The following MAN2B2 variants were observed in gnomAD, a reference collection of about 807,000 sequenced individuals.
MAN2B2 encodes the protein epididymis-specific alpha-mannosidase.
In MAN2B2, 106 loss-of-function variants were observed where a neutral mutation model predicts 117.1. That is an observed-to-expected ratio of 0.90 (90% CI 0.77 to 1.06). The LOEUF (loss-of-function observed/expected upper bound fraction) is 1.06. MAN2B2 is among the 50% of genes least tolerant of loss of function. MAN2B2 has a pLI of 0.00. For synonymous variants in MAN2B2, 544 were observed against 595.1 expected, an observed-to-expected ratio of 0.91 and a Z score of 1.25; for missense variants, 1,326 against 1,381.4, an observed-to-expected ratio of 0.96 and a Z score of 0.64.
At chr4:6,607,853 C>A (rs1352333778) in intron 11 of MAN2B2, among the ~76,000 whole-genome samples, 2 of 152,212 alleles carry the variant, frequency 1.3e-5, no homozygotes, top group Non-Finnish European at 2.9e-5. Flanking sequence ...CTCCCAGCAG[C>A]AGATGAGGGT....
intron 18 of MAN2B2, 129 bp downstream of exon 18, chr4:6,620,173 T>C (rs1712101461): frequency 1.4e-6 from 1 of 728,644 alleles, no homozygotes; most frequent in Non-Finnish European, 2.2e-6. Flanking sequence ...GCTTTCCTAC[T>C]CTGAACCCGC....
At chr4:6,583,210 G>C (rs1349194301) in intron 3 of MAN2B2, among the ~76,000 whole-genome samples, 1 of 152,174 alleles carries the variant, frequency 6.6e-6, no homozygotes, top group Non-Finnish European at 1.5e-5. Flanking sequence ...CCTAGAACCT[G>C]CCCACATCAC....
chr4:6,606,669 C>A (rs1727558198), intron 11 of MAN2B2, among the ~76,000 whole-genome samples: 1 of 152,198 alleles, frequency 6.6e-6, no homozygotes, highest in African/African-American at 2.4e-5. Context: ...ATTGGGCTCC[C>A]AAAACCCCAC....
intron 17 of MAN2B2, chr4:6,617,847 G>GTT (rs56063851): frequency 0.69 from 111,945 of 162,370 alleles, 40,751 homozygotes; most frequent in East Asian, 0.87. Context: ...CGATGGCTAA[G>GTT]TTTTTTTTTT....
intron 3 of MAN2B2, among the ~76,000 whole-genome samples, chr4:6,579,382 C>CCA (rs1726324284): frequency 2.9e-5 from 1 of 34,206 alleles, no homozygotes; most frequent in East Asian, 1.7e-3. Flanking sequence ...ACCACCACCA[C>CCA]TACCCTTCAC....
chr4:6,609,953 C>G lies in MAN2B2; in HGVS notation c.2162C>G (p.Thr721Ser). The change falls in exon 13 of 19, where the codon ACC becomes AGC. Residue 721 changes from threonine (T) to serine (S), a missense_variant. Coordinates refer to ENST00000285599, the MANE Select transcript of MAN2B2 (RefSeq NM_015274.3). The stretch of plus-strand genomic sequence containing the variant: ...CGTGAGGCTGTCCTGAGGACCAGCA[C>G]CAACCTAAACAGCCAGCAGGTCATC... ...LNREAVLRTS[T>S]NLNSQQVIYS... is the part of the protein sequence containing the mutation. 1.2e-6 allele frequency: 2 copies of G among 1,614,156 alleles called. No individual in the cohort carries two copies. Among genetic ancestry groups the G allele is most frequent in the Non-Finnish European group, 1.7e-6 (2 of 1,180,034 alleles).
intron 10 of MAN2B2, among the ~76,000 whole-genome samples, chr4:6,603,319 C>T (rs1332646782): frequency 6.6e-6 from 1 of 151,928 alleles, no homozygotes; most frequent in Non-Finnish European, 1.5e-5. Context: ...GCAAAGCTCC[C>T]GAACGCCCAT....
rs1712167946 is a variant in MAN2B2, at chr4:6,621,431, T to C, written c.*146T>C. ...GGCTAATGGCAGGAAATGGTCATAT[T>C]TGGGGTTTTTCCCTAATTTTTTTAA... On this transcript the variant is annotated 3_prime_UTR_variant, in exon 19 of 19. Transcript: ENST00000285599. The C allele has an allele frequency of 6.3e-6, 4 of 633,794 alleles. No homozygotes were observed. Among genetic ancestry groups the C allele is most frequent in the Non-Finnish European group, 1.1e-5 (4 of 379,788 alleles). 39.3% of individuals were successfully genotyped at this position (633,794 alleles called of 1,614,324 possible). A position where few individuals can be genotyped will look rare whatever the true frequency, so the allele number is the denominator to read the frequency against.
At chr4:6,589,222 GCTGTT>G in intron 5 of MAN2B2, 62 bp downstream of exon 5, 4 of 1,293,850 alleles carry the variant, frequency 3.1e-6, no homozygotes, top group Non-Finnish European at 4.5e-6. Flanking sequence ...AGCCCCTGCA[GCTGTT>G]CTGCAGTTTT....
chr4:6,595,801 C>T (rs1727054207), intron 7 of MAN2B2, among the ~76,000 whole-genome samples: 1 of 152,210 alleles, frequency 6.6e-6, no homozygotes, highest in African/African-American at 2.4e-5. Context: ...CTCATTCTGG[C>T]CTGGGCACTG....
Position 6,610,043 on chromosome 4 carries a change from T to A in MAN2B2, c.2252T>A (p.Ile751Asn). The A allele has an allele frequency of 3.1e-6, 5 of 1,614,020 alleles. No homozygotes were observed. Among genetic ancestry groups the A allele is most frequent in the Non-Finnish European group, 4.2e-6 (5 of 1,179,978 alleles). The change falls in exon 13 of 19, where the codon ATC (isoleucine) becomes AAC (asparagine). Residue 751 changes from isoleucine to asparagine, a missense_variant. Coordinates refer to ENST00000285599, the MANE Select transcript of MAN2B2 (RefSeq NM_015274.3). ...TACGTTTCCTATGTGAACAACAGCATCGCCCGGGTATGTCCTGCAATGCCC... is the reference window on the plus strand; with the variant it reads ...TACGTTTCCTATGTGAACAACAGCAACGCCCGGGTATGTCCTGCAATGCCC... ...RPYVSYVNNS[I>N]ARNYYPMVQS...
chr4:6,593,610 C>T (rs116478297), intron 6 of MAN2B2, among the ~76,000 whole-genome samples: 9 of 152,344 alleles, frequency 5.9e-5, no homozygotes, highest in Non-Finnish European at 1.0e-4. Flanking sequence ...CGGGCTGGCT[C>T]CCGGCTCGGG....
chr4:6,578,365 T>G (rs577753131), intron 2 of MAN2B2, 28 bp from the exon 3 acceptor site: 1 of 1,587,020 alleles, frequency 6.3e-7, no homozygotes. Flanking sequence ...CGTAACTGGC[T>G]TTTTTCTCTC....
At chr4:6,589,005 A>G in intron 4 of MAN2B2, 40 bp from the exon 5 acceptor site, 7 of 1,502,416 alleles carry the variant, frequency 4.7e-6, no homozygotes, top group Non-Finnish European at 6.5e-6. Context: ...TGGGGCAGCC[A>G]TGTGGCCCCT....
intron 7 of MAN2B2, 58 bp from the exon 8 acceptor site, chr4:6,597,055 G>A (rs1322856071): frequency 3.9e-6 from 6 of 1,525,114 alleles, no homozygotes; most frequent in African/African-American, 1.4e-5. Context: ...CAGGGCTGGA[G>A]CTTAGCAGAC....
chr4:6,575,356 C>A lies in MAN2B2; in HGVS notation c.138+8C>A. The stretch of plus-strand genomic sequence containing the variant: ...TGGGTCTACACTGTGCAGGTAGGTG[C>A]CGACCACGCCCCGCGCGCCCCTGAG... On this transcript the variant is annotated splice_region_variant and intron_variant, in intron 1 of 18. Transcript: ENST00000285599. The A allele has an allele frequency of 1.3e-6, 2 of 1,520,788 alleles. No individual in the cohort carries two copies. The allele number at this position is 1,520,788 out of a possible 1,614,324, so 94.2% of individuals were successfully genotyped here.
At chr4:6,592,385 G>A (rs1039429299) in intron 5 of MAN2B2, among the ~76,000 whole-genome samples, 1 of 152,202 alleles carries the variant, frequency 6.6e-6, no homozygotes, top group South Asian at 2.1e-4. Flanking sequence ...TTGGGAGGCT[G>A]AGGTGGGAGG....
chr4:6,598,098 G>C, intron 8 of MAN2B2, 100 bp from the exon 9 acceptor site: 1 of 1,371,038 alleles, frequency 7.3e-7, no homozygotes, highest in Non-Finnish European at 1.0e-6. Flanking sequence ...CTGGCACCTG[G>C]CAAGCCAGAA....
At position 6,597,431 on chromosome 4, in the gene MAN2B2, G is replaced by T. The variant is rs567638696; in HGVS notation, c.1248+128G>T. On this transcript the variant is annotated intron_variant, in intron 8 of 18. Coordinates refer to ENST00000285599, the MANE Select transcript of MAN2B2 (RefSeq NM_015274.3). ...CCCCACTTTACAGAGGGGAAACTGA[G>T]GTTCCCTTTGGTTACAAGGCCAGTG... is the stretch of plus-strand genomic sequence containing the variant. The T allele has an allele frequency of 4.4e-5, 45 of 1,025,560 alleles. 1 individual carries two copies. The South Asian group carries it at 8.3e-4, about 19-fold the overall frequency. The allele number at this position is 1,025,560 out of a possible 1,614,324, so 63.5% of individuals were successfully genotyped here. A position where few individuals can be genotyped will look rare whatever the true frequency, so the allele number is the denominator to read the frequency against.
Sources: gnomAD v4.1 joint callset for allele counts (sites outside exome capture counted in the v4.1 genomes callset) on GRCh38, gnomAD v4.1.1 for gene constraint, MANE v1.5 for transcripts, NCBI Gene and HGNC (gene_info 2026-07-23, HGNC 2026-07-21) for gene names.